The following ASTN2 variants were observed in gnomAD, a reference collection of about 807,000 sequenced individuals.
ASTN2 encodes the protein astrotactin-2.
In ASTN2, 54 loss-of-function variants were observed where a neutral mutation model predicts 139.8. That is an observed-to-expected ratio of 0.39 (90% CI 0.31 to 0.48). The LOEUF is 0.48. ASTN2 is among the 20% of genes least tolerant of loss of function. The pLI is 0.95. For missense variants in ASTN2, 1,565 were observed against 1,725.1 expected (o/e 0.91, Z 1.64); for synonymous variants, 756 against 719.5 (o/e 1.05, Z -0.81).
In ASTN2 at chr9:117,173,232, A is replaced by G. The variant is rs1830836704; in HGVS notation, c.1016-31754T>C. On this transcript the variant is annotated intron_variant, in intron 3 of 22. Coordinates refer to ENST00000313400, the MANE Select transcript of ASTN2 (RefSeq NM_001365068.1). ...CATTCACTTAGCAATCTGGCCCCAA[A>G]ACAAGAAAGCAAAACCTGTTAGAAA... Among the ~76,000 whole-genome samples, 2 of 152,184 alleles carry G rather than the reference A, an allele frequency of 1.3e-5. 1 individual carries two copies. Among genetic ancestry groups the G allele is most frequent in the South Asian group, 4.1e-4 (2 of 4,834 alleles).
In ASTN2 at chr9:117,117,983, AT is replaced by A. The variant is rs1244334050; in HGVS notation, c.1169-21833del. Among the ~76,000 whole-genome samples, 6 of 152,128 alleles carry A rather than the reference AT, an allele frequency of 3.9e-5. 1 individual carries two copies. Among genetic ancestry groups the A allele is most frequent in the African/African-American group, 9.7e-5 (4 of 41,414 alleles). On this transcript the variant is annotated intron_variant, in intron 4 of 22. Transcript: ENST00000313400. Reference sequence around the variant, plus strand: ...TGAAAATCACCGTTATATTAAAAAAATAAATAAATAAATCCTGACCTCTTCA... The same window carrying A: ...TGAAAATCACCGTTATATTAAAAAAAAAATAAATAAATCCTGACCTCTTCA...
chr9:116,998,211 G>A (rs1837077697), intron 7 of ASTN2, among the ~76,000 whole-genome samples: 1 of 152,216 alleles, frequency 6.6e-6, no homozygotes, highest in East Asian at 1.9e-4. Context: ...GTGGTGAGGT[G>A]GAGAGCAATA....
At chr9:116,866,323 C>T (rs1833012839) in intron 10 of ASTN2, among the ~76,000 whole-genome samples, 1 of 152,182 alleles carries the variant, frequency 6.6e-6, no homozygotes, top group South Asian at 2.1e-4. Flanking sequence ...TCTCTGTCTC[C>T]CCAACTCTGG....
intron 10 of ASTN2, among the ~76,000 whole-genome samples, chr9:116,902,086 T>C (rs1056009403): frequency 6.6e-6 from 1 of 151,800 alleles, no homozygotes; most frequent in Non-Finnish European, 1.5e-5. Flanking sequence ...AAAATAAAAG[T>C]TAACTGTTAT....
chr9:116,911,430 A>C (rs1287274686), intron 10 of ASTN2, among the ~76,000 whole-genome samples: 3 of 152,240 alleles, frequency 2.0e-5, no homozygotes, highest in Non-Finnish European at 4.4e-5. Context: ...AAAACTAAGA[A>C]GACATAATAA....
chr9:116,913,954 G>T (rs925758558), intron 10 of ASTN2, among the ~76,000 whole-genome samples: 3 of 150,452 alleles, frequency 2.0e-5, no homozygotes, highest in Non-Finnish European at 4.4e-5. Context: ...TAGCTCCAGA[G>T]CCTCAAAGAC....
In ASTN2 at chr9:116,536,839, G is replaced by T. The variant is rs555015232; in HGVS notation, c.3356-49339C>A. Among the ~76,000 whole-genome samples, 42 of 152,346 alleles carry T rather than the reference G, an allele frequency of 2.8e-4. 1 individual carries two copies. Among genetic ancestry groups the T allele is most frequent in the Admixed American group, 7.2e-4 (11 of 15,306 alleles). ...TGAGGAGGCAGTCTGTCTGTTCTCA[G>T]ATCTCAAACTCCATGCTGGGAGAAC... On this transcript the variant is annotated intron_variant, in intron 19 of 22. Transcript: ENST00000313400.
At chr9:117,357,672 G>GA (rs1333489091) in intron 1 of ASTN2, among the ~76,000 whole-genome samples, 1 of 152,094 alleles carries the variant, frequency 6.6e-6, no homozygotes, top group Non-Finnish European at 1.5e-5. Context: ...AACCACAGGA[G>GA]ATTGGAATTA....
chr9:116,893,336 TC>T (rs1833809195), intron 10 of ASTN2, among the ~76,000 whole-genome samples: 1 of 152,222 alleles, frequency 6.6e-6, no homozygotes, highest in South Asian at 2.1e-4. Flanking sequence ...AATGATCCAA[TC>T]CCCTATTAGA....
chr9:117,013,334 A>T (rs1459623077), intron 6 of ASTN2, among the ~76,000 whole-genome samples: 1 of 151,942 alleles, frequency 6.6e-6, no homozygotes, highest in Non-Finnish European at 1.5e-5. Context: ...TTTCAATTAA[A>T]AGTGTCCTCC....
At chr9:117,214,766 C>A in intron 2 of ASTN2, 24 bp from the exon 3 acceptor site, 1 of 1,466,026 alleles carries the variant, frequency 6.8e-7, no homozygotes, top group South Asian at 1.5e-5. Context: ...GAAGGACACA[C>A]AAATGGGCCA....
intron 19 of ASTN2, chr9:116,582,204 G>A (rs1456811641): frequency 2.6e-5 from 4 of 152,178 alleles, no homozygotes; most frequent in Non-Finnish European, 4.4e-5. Context: ...CTGTCTCCAG[G>A]ACTCAATTTT....
At chr9:117,177,408 C>T (rs926894301) in intron 3 of ASTN2, among the ~76,000 whole-genome samples, 2 of 152,084 alleles carry the variant, frequency 1.3e-5, no homozygotes, top group Non-Finnish European at 2.9e-5. Flanking sequence ...CTCCACCGCC[C>T]GGTGTTAATG....
At chr9:117,289,720 G>A (rs1407979822) in intron 2 of ASTN2, among the ~76,000 whole-genome samples, 1 of 152,292 alleles carries the variant, frequency 6.6e-6, no homozygotes, top group East Asian at 1.9e-4. Flanking sequence ...CTGAGATGGT[G>A]CTTATAAATT....
chr9:117,268,974 C>A (rs1052966274), intron 2 of ASTN2, among the ~76,000 whole-genome samples: 1 of 152,168 alleles, frequency 6.6e-6, no homozygotes, highest in Non-Finnish European at 1.5e-5. Flanking sequence ...AATAGCAATA[C>A]GAATACCTAC....
chr9:116,852,943 G>T (rs1832650758), intron 11 of ASTN2, among the ~76,000 whole-genome samples: 1 of 150,294 alleles, frequency 6.7e-6, no homozygotes. Flanking sequence ...TAGGAAGTCA[G>T]TTGTCCTAAA....
rs1554724602 is a variant in ASTN2, at chr9:116,642,132, C to CCAAAAAAAAAAAAAAAAAAAAAAAAAAAA, written c.3072+9395_3072+9396insTTTTTTTTTTTTTTTTTTTTTTTTTTTTG. On this transcript the variant is annotated intron_variant, in intron 17 of 22. Coordinates refer to ENST00000313400, the MANE Select transcript of ASTN2 (RefSeq NM_001365068.1). ...TGGGAAAATGAAGGCTCCCAACCCA[C>CCAAAAAAAAAAAAAAAAAAAAAAAAAAAA]AAAAAAAAAAAAACAAAAAAAAACA... Among the ~76,000 whole-genome samples the CCAAAAAAAAAAAAAAAAAAAAAAAAAAAA allele has an allele frequency of 4.1e-5, 2 of 48,930 alleles. 1 individual carries two copies. The highest frequency in any genetic ancestry group is 1.5e-4 in the African/African-American group (2 of 13,078). 32.1% of individuals were successfully genotyped at this position (48,930 alleles called of 152,430 possible).
chr9:117,017,989 T>C (rs7047635), intron 6 of ASTN2, among the ~76,000 whole-genome samples: 7,780 of 149,692 alleles, frequency 0.052, 506 homozygotes, highest in African/African-American at 0.16. Context: ...TTGCTCTCAC[T>C]TACCCAGGCT....
chr9:116,725,179 G>T (rs1006477899), intron 16 of ASTN2, among the ~76,000 whole-genome samples: 2 of 152,078 alleles, frequency 1.3e-5, no homozygotes, highest in African/African-American at 4.8e-5. Context: ...AAGGTGAGTG[G>T]GCAGAGACTG....
Sources: allele counts gnomAD v4.1 joint callset (sites outside exome capture counted in the v4.1 genomes callset), GRCh38; gene constraint gnomAD v4.1.1; transcripts MANE v1.5; gene names NCBI Gene and HGNC (gene_info 2026-07-23, HGNC 2026-07-21).